Variants in SLC12A7 observed in about 807,000 individuals in gnomAD.
The protein encoded by SLC12A7 is K-Cl cotransporter 4.
Under a neutral mutation model 120.6 loss-of-function variants are expected in SLC12A7, and 100 were observed. That is an observed-to-expected ratio of 0.83 (90% confidence interval 0.71 to 0.98). The LOEUF is 0.98. SLC12A7 is among the 50% of genes least tolerant of loss of function. The probability of loss-of-function intolerance (pLI) is 0.00; values close to 1 mark genes in which losing one functional copy is unlikely to be tolerated. For synonymous variants in SLC12A7, 760 were observed against 678.0 expected (o/e 1.12, Z -1.88); for missense variants, 1,373 against 1,548.1 (o/e 0.89, Z 1.90).
intron 1 of SLC12A7, among the ~76,000 whole-genome samples, chr5:1,095,141 G>A (rs1277068204): frequency 6.7e-6 from 1 of 148,902 alleles, no homozygotes; most frequent in African/African-American, 2.4e-5. Context: ...CAGAGCTGTC[G>A]CCCTCCCACC....
chr5:1,149,600 T>A, the SLC12A7 span, among the ~76,000 whole-genome samples: 1 of 151,428 alleles, frequency 6.6e-6, no homozygotes, highest in South Asian at 2.1e-4. Flanking sequence ...TTAAAAAAAA[T>A]AAAAATAAGA....
intron 16 of SLC12A7, among the ~76,000 whole-genome samples, chr5:1,074,202 G>GC (rs1181272014): frequency 6.6e-6 from 1 of 151,474 alleles, no homozygotes; most frequent in Non-Finnish European, 1.5e-5. Flanking sequence ...CACACCCGAG[G>GC]CCCCCGCCGA....
At chr5:1,127,201 G>C in the SLC12A7 span, among the ~76,000 whole-genome samples, 1 of 152,198 alleles carries the variant, frequency 6.6e-6, no homozygotes, top group African/African-American at 2.4e-5. Context: ...TTTTAGTAGA[G>C]ACGGGGTTTC....
At position 1,076,722 on chromosome 5, in the gene SLC12A7, G is replaced by C; in HGVS notation, c.1720C>G (p.Leu574Val). The C allele has an allele frequency of 1.9e-6, 3 of 1,611,438 alleles. No individual in the cohort carries two copies. Among genetic ancestry groups the C allele is most frequent in the African/African-American group, 2.7e-5 (2 of 75,016 alleles). The change falls in exon 13 of 24, where the codon CTG becomes GTG. Residue 574 changes from leucine to valine, a missense_variant. Leu to Val is a conservative substitution (Grantham distance 32). Coordinates refer to ENST00000264930, the MANE Select transcript of SLC12A7 (RefSeq NM_006598.3). ...ICETGILIAS[L>V]DSVAPILSMF... ...GAGAGGATCGGGGCCACGCTGTCCA[G>C]AGAGGCGATGAGGATGCCAGTCTCG...
the SLC12A7 span, among the ~76,000 whole-genome samples, chr5:1,126,645 T>C: frequency 6.6e-6 from 1 of 152,260 alleles, no homozygotes; most frequent in Non-Finnish European, 1.5e-5. Context: ...TCCCACTCTC[T>C]GCCCTCAAGT....
intron 10 of SLC12A7, 137 bp downstream of exon 10, chr5:1,079,261 G>C: frequency 1.5e-6 from 1 of 674,756 alleles, no homozygotes; most frequent in South Asian, 1.8e-5. Context: ...TCCCAGGGAG[G>C]ATGACGTGGT....
chr5:1,138,671 C>T, the SLC12A7 span, among the ~76,000 whole-genome samples: 3,407 of 152,296 alleles, frequency 0.022, 146 homozygotes, highest in African/African-American at 0.078. Flanking sequence ...GTCATATTCT[C>T]GGGTTCCAGG....
At chr5:1,116,965 C>T (rs746800287), upstream of SLC12A7, among the ~76,000 whole-genome samples, 2 of 152,176 alleles carry the variant, frequency 1.3e-5, no homozygotes, top group Non-Finnish European at 2.9e-5. Flanking sequence ...GCCCAGGACA[C>T]GATGTGGCCA....
chr5:1,142,421 A>C, the SLC12A7 span, among the ~76,000 whole-genome samples: 51 of 16,316 alleles, frequency 3.1e-3, no homozygotes, highest in Admixed American at 7.2e-3. Context: ...TCCCCTCCTC[A>C]CTCTCTCATC....
At chr5:1,132,360 TGAA>T in the SLC12A7 span, among the ~76,000 whole-genome samples, 2 of 152,200 alleles carry the variant, frequency 1.3e-5, no homozygotes, top group African/African-American at 4.8e-5. Context: ...CAGCGCATAA[TGAA>T]GAAGTAACAG....
At chr5:1,056,962 C>T (rs1243471946) in intron 22 of SLC12A7, among the ~76,000 whole-genome samples, 1 of 152,248 alleles carries the variant, frequency 6.6e-6, no homozygotes, top group Non-Finnish European at 1.5e-5. Context: ...ATTCTGTGCC[C>T]AGCGGCACAA....
intron 3 of SLC12A7, among the ~76,000 whole-genome samples, chr5:1,089,382 G>A (rs1465280069): frequency 6.6e-6 from 1 of 152,146 alleles, no homozygotes; most frequent in African/African-American, 2.4e-5. Flanking sequence ...GCTCCGCTGT[G>A]CCTCCCCGAC....
At chr5:1,117,588 G>A in the SLC12A7 span, among the ~76,000 whole-genome samples, 12 of 152,140 alleles carry the variant, frequency 7.9e-5, no homozygotes, top group Non-Finnish European at 1.5e-4. This position sits in a 1 kb window ranked among gnomAD's most constrained non-coding sequence, Gnocchi z 4.5. Flanking sequence ...GATGTTTTGC[G>A]GATCCTTGTT....
At chr5:1,066,968 C>T (rs898491208) in intron 17 of SLC12A7, among the ~76,000 whole-genome samples, 1 of 152,164 alleles carries the variant, frequency 6.6e-6, no homozygotes, top group African/African-American at 2.4e-5. Context: ...CACCTGCCTC[C>T]TTTGCCGAGA....
intron 21 of SLC12A7, 117 bp from the exon 22 acceptor site, chr5:1,057,766 G>A: frequency 9.9e-7 from 1 of 1,005,662 alleles, no homozygotes. Context: ...GGCCCTGTGT[G>A]CCTGACCCGG....
chr5:1,058,013 G>A (rs1295454010), intron 21 of SLC12A7, among the ~76,000 whole-genome samples: 4 of 62,914 alleles, frequency 6.4e-5, no homozygotes, highest in Non-Finnish European at 9.5e-5. Context: ...CGACCAGCAC[G>A]CAGGCGTCCC....
chr5:1,129,202 T>C, the SLC12A7 span, among the ~76,000 whole-genome samples: 3 of 152,146 alleles, frequency 2.0e-5, no homozygotes, highest in Non-Finnish European at 4.4e-5. Context: ...CCAAGAGGCC[T>C]CCCTCAGCCA....
the SLC12A7 span, among the ~76,000 whole-genome samples, chr5:1,150,969 T>C: frequency 2.6e-5 from 4 of 152,226 alleles, no homozygotes; most frequent in African/African-American, 9.6e-5. Flanking sequence ...TTCCTGAGGC[T>C]TTCCCCCATC....
Position 1,064,137 on chromosome 5 carries a change from G to A in SLC12A7, c.2553C>T (p.Ile851=), listed in dbSNP as rs147157876. 2.9e-4 allele frequency: 469 copies of A among 1,611,840 alleles called. 1 individual carries two copies. Among genetic ancestry groups the A allele is most frequent in the Non-Finnish European group, 3.8e-4 (448 of 1,179,450 alleles). ...GCATGAGCATGCCGCCGTCGTGCAC[G>A]ATCCACCACACGTCGATGTGGCCCC... The part of the protein sequence containing the change: ...FGGGHIDVWW[I]VHDGGMLMLL... The change falls in exon 19 of 24, where the codon ATC becomes ATT. Residue 851 remains isoleucine (I), a synonymous_variant. Transcript: ENST00000264930.
Sources: gnomAD v4.1 joint callset for allele counts (sites outside exome capture counted in the v4.1 genomes callset) on GRCh38, gnomAD v4.1.1 for gene constraint, Gnocchi (gnomAD v3.1) non-coding constraint, MANE v1.5 for transcripts, NCBI Gene and HGNC (gene_info 2026-07-23, HGNC 2026-07-21) for gene names.